The following COL22A1 variants were observed in gnomAD, a reference collection of about 807,000 sequenced individuals.
COL22A1 encodes collagen type XXII alpha 1 chain, also known as collagen alpha-1(XXII) chain.
A neutral mutation model predicts 248.9 loss-of-function variants in COL22A1; 221 were observed. The observed-to-expected ratio is 0.89, with a 90% confidence interval of 0.80 to 0.99. The LOEUF (loss-of-function observed/expected upper bound fraction) is 0.99. Ranked by LOEUF, COL22A1 falls within the 50% of genes least tolerant of loss-of-function variation. COL22A1 has a pLI of 0.00. For synonymous variants in COL22A1, 891 were observed against 793.4 expected (o/e 1.12, Z -2.07); for missense variants, 2,240 against 2,179.0 (o/e 1.03, Z -0.56).
chr8:138,676,067 T>G (rs1471272209), intron 41 of COL22A1, among the ~76,000 whole-genome samples: 1 of 152,088 alleles, frequency 6.6e-6, no homozygotes, highest in African/African-American at 2.4e-5. Flanking sequence ...CTATCACCCC[T>G]AGTGAGTTTG....
At chr8:138,870,967 G>C (rs1188504133) in intron 3 of COL22A1, among the ~76,000 whole-genome samples, 1 of 151,958 alleles carries the variant, frequency 6.6e-6, no homozygotes, top group Non-Finnish European at 1.5e-5. Context: ...TGTGCACCCT[G>C]AGTTTACCAG....
chr8:138,820,523 AAAG>A (rs1819026813), intron 7 of COL22A1, among the ~76,000 whole-genome samples: 1 of 152,336 alleles, frequency 6.6e-6, no homozygotes, highest in African/African-American at 2.4e-5. Context: ...AGGAAAAATA[AAAG>A]AAGGAAAGAA....
At chr8:138,624,284 A>G (rs1453039306) in intron 51 of COL22A1, among the ~76,000 whole-genome samples, 1 of 152,208 alleles carries the variant, frequency 6.6e-6, no homozygotes, top group African/African-American at 2.4e-5. Context: ...TTTGGGTCAC[A>G]GAAAGGCTAT....
At chr8:138,820,851 C>G (rs1295466088) in intron 7 of COL22A1, among the ~76,000 whole-genome samples, 1 of 152,112 alleles carries the variant, frequency 6.6e-6, no homozygotes, top group East Asian at 1.9e-4. Context: ...TACCGGTGTC[C>G]CCAGTGCAGA....
intron 15 of COL22A1, chr8:138,777,821 A>G (rs1304553718): frequency 2.5e-5 from 4 of 161,534 alleles, no homozygotes; most frequent in African/African-American, 4.8e-5. Flanking sequence ...TAGTGTTGCA[A>G]TAAACATACG....
chr8:138,686,956 T>TTTA (rs952665296), intron 37 of COL22A1, among the ~76,000 whole-genome samples: 2 of 152,060 alleles, frequency 1.3e-5, no homozygotes, highest in South Asian at 2.1e-4. Context: ...ATTATTATTA[T>TTTA]TTATTATTAT....
intron 4 of COL22A1, among the ~76,000 whole-genome samples, chr8:138,838,437 C>A (rs6993598): frequency 2.6e-5 from 4 of 152,036 alleles, no homozygotes; most frequent in Non-Finnish European, 4.4e-5. Flanking sequence ...CAAAGTGGGC[C>A]GATCCTCTAC....
intron 44 of COL22A1, among the ~76,000 whole-genome samples, chr8:138,659,986 C>G (rs72727866): frequency 0.019 from 2,869 of 152,340 alleles, 40 homozygotes; most frequent in Middle Eastern, 0.048. Flanking sequence ...TTGCTCACCC[C>G]AGATCCACTT....
At chr8:138,660,977 CACACACACATACACACAT>C (rs1823870210) in intron 43 of COL22A1, among the ~76,000 whole-genome samples, 1 of 21,248 alleles carries the variant, frequency 4.7e-5, no homozygotes, top group Admixed American at 4.3e-4. Context: ...CACACACATA[CACACACACATACACACAT>C]ACACATACAC....
intron 41 of COL22A1, among the ~76,000 whole-genome samples, chr8:138,674,015 C>A (rs995708838): frequency 6.6e-6 from 1 of 152,114 alleles, no homozygotes; most frequent in Non-Finnish European, 1.5e-5. Flanking sequence ...TCCCAGGTAC[C>A]CACGGTGGCC....
rs1240018479 is a variant in COL22A1 at position 138,693,645 on chromosome 8, C to A, written c.2754+1G>T. 2 of 1,582,198 alleles carry A rather than the reference C, an allele frequency of 1.3e-6. No individual in the cohort carries two copies. The highest frequency in any genetic ancestry group is 2.3e-5 in the East Asian group (1 of 42,712). On this transcript the variant is annotated splice_donor_variant, in intron 35 of 64. Coordinates refer to ENST00000303045, the MANE Select transcript of COL22A1 (RefSeq NM_152888.3). LOFTEE classifies it high-confidence loss of function. ...GAGGCAGGCCGATCATAGGGACTCA[C>A]GGGGTTTCCAGCTGCTCCAGGAGCC...
chr8:138,906,676 A>T (rs1327857810), intron 1 of COL22A1, among the ~76,000 whole-genome samples: 2 of 150,580 alleles, frequency 1.3e-5, no homozygotes, highest in Non-Finnish European at 3.0e-5. Context: ...TTTTTGAGAC[A>T]GAGTCTGGCT....
intron 40 of COL22A1, 57 bp downstream of exon 40, chr8:138,679,560 C>T (rs769553372): frequency 6.9e-7 from 1 of 1,458,502 alleles, no homozygotes; most frequent in Non-Finnish European, 9.6e-7. Context: ...ATAAAGCTGC[C>T]TCTGCCTGTC....
chr8:138,702,874 G>T (rs1335848885), intron 31 of COL22A1, among the ~76,000 whole-genome samples: 6 of 152,074 alleles, frequency 3.9e-5, no homozygotes. Context: ...TGGGAGCCAG[G>T]TCTTCATGCC....
At chr8:138,693,607 G>C in intron 35 of COL22A1, 39 bp downstream of exon 35, 1 of 1,555,984 alleles carries the variant, frequency 6.4e-7, no homozygotes, top group Non-Finnish European at 8.7e-7. Flanking sequence ...GCCTCCCTCC[G>C]GGGCTCCCCC....
At chr8:138,703,467 GCAGGTAGGTGCACCCTGCACCTACC>G in intron 30 of COL22A1, 120 bp from the exon 31 acceptor site, 1 of 818,618 alleles carries the variant, frequency 1.2e-6, no homozygotes, top group East Asian at 2.5e-5. Flanking sequence ...TCTGCAGGGT[GCAGGTAGGTGCACCCTGCACCTACC>G]TTGATAGATA....
At chr8:138,628,673 T>C (rs1820454469) in intron 50 of COL22A1, among the ~76,000 whole-genome samples, 1 of 152,156 alleles carries the variant, frequency 6.6e-6, no homozygotes, top group Admixed American at 6.6e-5. Context: ...TACCATAGCT[T>C]GAGGAGTGGT....
In COL22A1 at chr8:138,703,318, C is replaced by A. The variant is rs781450372; in HGVS notation, c.2547G>T (p.Gly849=). 2 of 1,613,648 alleles carry A rather than the reference C, an allele frequency of 1.2e-6. No homozygotes were observed. Among genetic ancestry groups the A allele is most frequent in the Non-Finnish European group, 1.7e-6 (2 of 1,179,642 alleles). Residue 849 remains glycine (G), a synonymous_variant, in exon 31 of 65, where the codon GGG becomes GGT. Transcript: ENST00000303045. The stretch of plus-strand genomic sequence containing the variant: ...CGGAGTAACTTACAGTTCCAGGTAA[C>A]CCGGGAGGGCCTGCAGGACCAGCTT... ...KGEAGPAGPP[G]LPGTTSLFTP...
At position 138,616,234 on chromosome 8, in the gene COL22A1, G is replaced by A. The variant is rs142641229; in HGVS notation, c.3871-180C>T. On this transcript the variant is annotated intron_variant, in intron 54 of 64. Transcript: ENST00000303045. ...GCGGCCCTGAGTTGAGGTCTGTGGC[G>A]CACCCAAGGCCAGCTGTGAGTGCCT... is the stretch of plus-strand genomic sequence containing the variant. Among the ~76,000 whole-genome samples, 138 of 152,270 alleles carry A rather than the reference G, an allele frequency of 9.1e-4. 1 individual carries two copies. The highest frequency in any genetic ancestry group is 3.1e-3 in the African/African-American group (130 of 41,552).
Sources: gnomAD v4.1 joint callset for allele counts (sites outside exome capture counted in the v4.1 genomes callset) on GRCh38, gnomAD v4.1.1 for gene constraint, MANE v1.5 for transcripts, NCBI Gene and HGNC (gene_info 2026-07-23, HGNC 2026-07-21) for gene names.